The following MARCHF1 variants were observed in gnomAD, a reference collection of about 807,000 sequenced individuals.
MARCHF1 encodes the protein membrane associated ring-CH-type finger 1.
A neutral mutation model predicts 54.2 loss-of-function variants in MARCHF1; 40 were observed. That is an observed-to-expected ratio of 0.74 (90% CI 0.57 to 0.96). MARCHF1 has a LOEUF of 0.96. Among genes scored for constraint, MARCHF1 ranks in the 40% least tolerant of loss-of-function variants. MARCHF1 has a pLI of 0.00. For missense variants in MARCHF1, 586 were observed against 656.5 expected, an observed-to-expected ratio of 0.89 and a Z score of 1.17; for synonymous variants, 236 against 236.3, an observed-to-expected ratio of 1.00 and a Z score of 0.01.
Position 164,240,723 on chromosome 4 carries a change from G to A in MARCHF1, c.-322-129061C>T, listed in dbSNP as rs1732716205. ...TGCCCTGGCTCATTCCTGGGCATGG[G>A]ACAAACTGACTATGGGAAAAATTTA... On this transcript the variant is annotated intron_variant, in intron 1 of 9. Coordinates refer to ENST00000514618, the MANE Select transcript of MARCHF1 (RefSeq NM_001394959.1). Among the ~76,000 whole-genome samples the A allele has an allele frequency of 4.6e-5, 7 of 152,034 alleles. No individual in the cohort carries two copies. In the South Asian group the frequency reaches 1.5e-3, roughly 32 times the overall value.
intron 5 of MARCHF1, among the ~76,000 whole-genome samples, chr4:163,646,245 A>T (rs547674246): frequency 6.9e-4 from 45 of 65,628 alleles, no homozygotes; most frequent in Middle Eastern, 8.9e-3. Flanking sequence ...ACATGAAATT[A>T]AAAAAAACCC....
intron 2 of MARCHF1, among the ~76,000 whole-genome samples, chr4:164,040,437 T>C (rs1245692243): frequency 6.8e-6 from 1 of 147,504 alleles, no homozygotes; most frequent in Admixed American, 6.8e-5. Flanking sequence ...TATAAATATA[T>C]AGGTATATCC....
chr4:163,979,744 A>G (rs920298563), intron 3 of MARCHF1, among the ~76,000 whole-genome samples: 5 of 151,862 alleles, frequency 3.3e-5, no homozygotes, highest in Admixed American at 2.6e-4. Flanking sequence ...TCTCATTGTG[A>G]TTTTGGTTTG....
chr4:163,728,632 T>G (rs991629807), intron 4 of MARCHF1, among the ~76,000 whole-genome samples: 1 of 152,216 alleles, frequency 6.6e-6, no homozygotes, highest in Admixed American at 6.5e-5. Flanking sequence ...GTAATTGACT[T>G]ATATATATTA....
intron 2 of MARCHF1, among the ~76,000 whole-genome samples, chr4:163,990,034 A>G (rs551960395): frequency 6.6e-6 from 1 of 152,304 alleles, no homozygotes; most frequent in Non-Finnish European, 1.5e-5. Context: ...TGACATTACA[A>G]TTTGTTTAAA....
At position 164,002,524 on chromosome 4, in the gene MARCHF1, G is replaced by A. The variant is rs144803169; in HGVS notation, c.-247-13815C>T. Among the ~76,000 whole-genome samples the A allele has an allele frequency of 7.4e-3, 1,115 of 151,046 alleles. 10 individuals carry two copies. The highest frequency in any genetic ancestry group is 0.016 in the East Asian group (83 of 5,166). On this transcript the variant is annotated intron_variant, in intron 2 of 9. Coordinates refer to ENST00000514618, the MANE Select transcript of MARCHF1 (RefSeq NM_001394959.1). ...CAATAGATAATGTCCAAACCATAGC[G>A]CCAAAAAAAAACTTAAAAAACCAGT...
At chr4:164,184,213 G>A (rs1032217505) in intron 1 of MARCHF1, among the ~76,000 whole-genome samples, 13 of 152,092 alleles carry the variant, frequency 8.5e-5, no homozygotes, top group African/African-American at 1.9e-4. Flanking sequence ...ACTTTTTCCC[G>A]ATATAATTCT....
At chr4:163,640,702 T>A (rs1382689915) in intron 5 of MARCHF1, among the ~76,000 whole-genome samples, 1 of 152,172 alleles carries the variant, frequency 6.6e-6, no homozygotes, top group Admixed American at 6.5e-5. Flanking sequence ...CCAAGTTAGA[T>A]GAATTGCCAA....
intron 3 of MARCHF1, among the ~76,000 whole-genome samples, chr4:163,932,271 A>G (rs143613323): frequency 6.6e-6 from 1 of 152,296 alleles, no homozygotes; most frequent in East Asian, 1.9e-4. Context: ...AAATAAGACA[A>G]TGAGATTTGC....
At chr4:163,670,380 ATCTGTCTG>A (rs1232327188) in intron 5 of MARCHF1, among the ~76,000 whole-genome samples, 1 of 117,910 alleles carries the variant, frequency 8.5e-6, no homozygotes, top group Non-Finnish European at 1.8e-5. Context: ...CTATCTATCT[ATCTGTCTG>A]TCTATCTATC....
chr4:164,160,046 CTA>C (rs1730189164), intron 1 of MARCHF1, among the ~76,000 whole-genome samples: 1 of 142,334 alleles, frequency 7.0e-6, no homozygotes, highest in South Asian at 2.2e-4. Flanking sequence ...CAGACAGACT[CTA>C]TTTTTTTTAT....
intron 4 of MARCHF1, among the ~76,000 whole-genome samples, chr4:163,776,082 C>G (rs1404600967): frequency 6.6e-6 from 1 of 152,092 alleles, no homozygotes; most frequent in Non-Finnish European, 1.5e-5. Context: ...TAGAAACCAG[C>G]AATTTGTTTA....
chr4:163,747,515 A>T lies in MARCHF1; in HGVS notation c.112-46652T>A, dbSNP rs370957508. ...GAATTTGACATGCAAAGCCTTTGAAATCTGGTAGTGTGAGACAAGCCATAT... is the reference window on the plus strand; with the variant it reads ...GAATTTGACATGCAAAGCCTTTGAATTCTGGTAGTGTGAGACAAGCCATAT... On this transcript the variant is annotated intron_variant, in intron 4 of 9. Transcript: ENST00000514618. Among the ~76,000 whole-genome samples, 44 of 152,328 alleles carry T rather than the reference A, an allele frequency of 2.9e-4. 1 individual carries two copies. In the South Asian group the frequency reaches 9.1e-3, roughly 32 times the overall value.
intron 4 of MARCHF1, among the ~76,000 whole-genome samples, chr4:163,754,120 C>T (rs1335278906): frequency 6.6e-6 from 1 of 152,178 alleles, no homozygotes; most frequent in Non-Finnish European, 1.5e-5. Flanking sequence ...CTCCTTGTTG[C>T]TAAGCTTTGT....
intron 3 of MARCHF1, among the ~76,000 whole-genome samples, chr4:163,866,226 C>G (rs1327861095): frequency 6.6e-6 from 1 of 151,146 alleles, no homozygotes; most frequent in African/African-American, 2.4e-5. Flanking sequence ...CTATTTTTAA[C>G]TATTCCAAAA....
chr4:163,717,044 G>A (rs1192126176), intron 4 of MARCHF1, among the ~76,000 whole-genome samples: 1 of 150,754 alleles, frequency 6.6e-6, no homozygotes. Flanking sequence ...TGTGCACAAC[G>A]TGCAGGTTTG....
intron 8 of MARCHF1, chr4:163,555,741 C>T: frequency 3.4e-6 from 1 of 291,742 alleles, no homozygotes; most frequent in East Asian, 8.2e-5. Context: ...GGCATAGTCT[C>T]TCTTCCCCAG....
intron 1 of MARCHF1, among the ~76,000 whole-genome samples, chr4:164,192,444 T>C (rs1731147387): frequency 6.6e-6 from 1 of 152,166 alleles, no homozygotes; most frequent in Admixed American, 6.6e-5. Context: ...AGAGAGTCAA[T>C]CATTCAGGCA....
intron 1 of MARCHF1, among the ~76,000 whole-genome samples, chr4:164,332,151 A>C (rs1735449440): frequency 6.6e-6 from 1 of 152,202 alleles, no homozygotes; most frequent in Admixed American, 6.5e-5. Context: ...AAAAGACAGA[A>C]TAATGGGCTA....
Sources: allele counts gnomAD v4.1 joint callset (sites outside exome capture counted in the v4.1 genomes callset), GRCh38; gene constraint gnomAD v4.1.1; transcripts MANE v1.5; gene names NCBI Gene and HGNC (gene_info 2026-07-23, HGNC 2026-07-21).